MTX2: variants seen among roughly 807,000 people sequenced by gnomAD.
The protein encoded by MTX2 is metaxin-2.
A neutral mutation model predicts 42.3 loss-of-function variants in MTX2; 35 were observed. The ratio of observed to expected loss-of-function variants is 0.83; its 90% CI spans 0.63 to 1.10. The LOEUF is 1.10. MTX2 is among the 50% of genes least tolerant of loss of function. The probability of loss-of-function intolerance (pLI) is 0.00; values close to 1 mark genes in which losing one functional copy is unlikely to be tolerated. For missense variants in MTX2, 307 were observed against 304.1 expected (o/e 1.01, Z -0.07); for synonymous variants, 119 against 100.9 (o/e 1.18, Z -1.08).
chr2:176,319,766 G>C (rs1203531620), intron 3 of MTX2, among the ~76,000 whole-genome samples: 1 of 151,950 alleles, frequency 6.6e-6, no homozygotes, highest in Non-Finnish European at 1.5e-5. Context: ...AGTAGAGTCA[G>C]GGTTTCACCA....
chr2:176,329,570 T>A (rs761875530), intron 8 of MTX2, 144 bp downstream of exon 8: 6 of 894,306 alleles, frequency 6.7e-6, no homozygotes, highest in Non-Finnish European at 9.4e-6. Context: ...GAAGTAATTT[T>A]ATTTCTAAAA....
intron 5 of MTX2, among the ~76,000 whole-genome samples, chr2:176,327,366 T>G (rs2105443352): frequency 6.6e-6 from 1 of 151,186 alleles, no homozygotes. Context: ...CTCCCATTAG[T>G]GTTTCTGAAA....
At chr2:176,313,388 C>CTTTT (rs1207416607) in intron 3 of MTX2, among the ~76,000 whole-genome samples, 125 of 103,440 alleles carry the variant, frequency 1.2e-3, no homozygotes, top group Middle Eastern at 5.7e-3. Flanking sequence ...TACACTGATT[C>CTTTT]TTTTTTTTTT....
intron 1 of MTX2, among the ~76,000 whole-genome samples, chr2:176,270,691 T>C (rs1692785651): frequency 1.3e-5 from 2 of 152,244 alleles, no homozygotes; most frequent in African/African-American, 2.4e-5. Context: ...GCTTTGCGTT[T>C]GTGTGAACGT....
At chr2:176,303,655 A>G (rs926888026) in intron 3 of MTX2, among the ~76,000 whole-genome samples, 6 of 152,118 alleles carry the variant, frequency 3.9e-5, no homozygotes, top group Non-Finnish European at 5.9e-5. Context: ...TTAGCAGATT[A>G]AAAAACAAAT....
At chr2:176,310,459 G>C (rs1684276059) in intron 3 of MTX2, among the ~76,000 whole-genome samples, 1 of 152,166 alleles carries the variant, frequency 6.6e-6, no homozygotes, top group African/African-American at 2.4e-5. Flanking sequence ...TTGCTAGGCT[G>C]GGAAAGTTCT....
intron 1 of MTX2, among the ~76,000 whole-genome samples, chr2:176,289,312 T>C (rs956084130): frequency 2.0e-5 from 3 of 152,082 alleles, no homozygotes; most frequent in Admixed American, 1.3e-4. Flanking sequence ...TTTTACTTTG[T>C]TCTCCAATGT....
chr2:176,330,799 TTACTC>T, intron 9 of MTX2, 139 bp downstream of exon 9: 1 of 617,062 alleles, frequency 1.6e-6, no homozygotes, highest in Non-Finnish European at 2.9e-6. Context: ...TTGTGGCACT[TTACTC>T]TCAGGCACAG....
intron 1 of MTX2, among the ~76,000 whole-genome samples, chr2:176,292,567 T>C (rs1693352641): frequency 6.6e-6 from 1 of 152,188 alleles, no homozygotes; most frequent in African/African-American, 2.4e-5. Context: ...ATAAGCTTTC[T>C]TTCTGTTAGA....
chr2:176,280,442 TAACA>T (rs1693052170), intron 1 of MTX2, among the ~76,000 whole-genome samples: 1 of 152,222 alleles, frequency 6.6e-6, no homozygotes, highest in Admixed American at 6.5e-5. Flanking sequence ...TTTTGCAGTG[TAACA>T]AACCACCCTA....
At chr2:176,320,653 A>G (rs1684562353) in intron 3 of MTX2, among the ~76,000 whole-genome samples, 2 of 151,282 alleles carry the variant, frequency 1.3e-5, no homozygotes, top group Non-Finnish European at 2.9e-5. Context: ...ACAAAAACAG[A>G]TCTCTCCAGC....
chr2:176,296,407 T>C (rs887269925), intron 1 of MTX2, among the ~76,000 whole-genome samples: 4 of 152,158 alleles, frequency 2.6e-5, no homozygotes, highest in Non-Finnish European at 5.9e-5. Context: ...TTACAATGTC[T>C]GCTTGAAATT....
intron 3 of MTX2, among the ~76,000 whole-genome samples, chr2:176,309,602 A>G (rs866413946): frequency 6.6e-6 from 1 of 151,728 alleles, no homozygotes; most frequent in Non-Finnish European, 1.5e-5. Flanking sequence ...TATATTTAGG[A>G]TAGTTAGCTC....
intron 3 of MTX2, among the ~76,000 whole-genome samples, chr2:176,318,616 G>A (rs1684502068): frequency 6.6e-6 from 1 of 152,176 alleles, no homozygotes; most frequent in South Asian, 2.1e-4. Flanking sequence ...TGGAAATATA[G>A]TATTTAATGT....
intron 1 of MTX2, among the ~76,000 whole-genome samples, chr2:176,288,390 C>T (rs1693254574): frequency 6.6e-6 from 1 of 152,056 alleles, no homozygotes; most frequent in South Asian, 2.1e-4. Flanking sequence ...AAATTTCCTT[C>T]CTTTCTTTGT....
chr2:176,337,229 A>G (rs997077312), intron 9 of MTX2, among the ~76,000 whole-genome samples: 1 of 152,010 alleles, frequency 6.6e-6, no homozygotes, highest in South Asian at 2.1e-4. Context: ...TTTTGTAGAG[A>G]TGAGGTTTTG....
At chr2:176,290,329 C>T (rs1693299032) in intron 1 of MTX2, among the ~76,000 whole-genome samples, 2 of 152,154 alleles carry the variant, frequency 1.3e-5, no homozygotes, top group South Asian at 2.1e-4. Flanking sequence ...GTGTTCCCCC[C>T]GCAAGCTTTC....
chr2:176,318,467 C>G (rs1684498235), intron 3 of MTX2, among the ~76,000 whole-genome samples: 1 of 152,086 alleles, frequency 6.6e-6, no homozygotes, highest in African/African-American at 2.4e-5. Context: ...CAGGTAGTCA[C>G]TAAATTTATA....
At chr2:176,311,356 G>A (rs575264168) in intron 3 of MTX2, among the ~76,000 whole-genome samples, 1 of 152,322 alleles carries the variant, frequency 6.6e-6, no homozygotes, top group South Asian at 2.1e-4. Context: ...CTACACGGGG[G>A]TCAGGGATCC....
Sources: allele counts gnomAD v4.1 joint callset (sites outside exome capture counted in the v4.1 genomes callset), GRCh38; gene constraint gnomAD v4.1.1; transcripts MANE v1.5; gene names NCBI Gene and HGNC (gene_info 2026-07-23, HGNC 2026-07-21).